Variants in EYS observed in about 807,000 individuals in gnomAD.
EYS encodes EGF-like photoreceptor maintenance factor, also known as protein eyes shut homolog.
EYS carries 250 observed loss-of-function variants against 282.1 expected under a neutral mutation model. The observed-to-expected ratio is 0.89, with a 90% CI of 0.80 to 0.98. The LOEUF is 0.98. EYS is among the 50% of genes least tolerant of loss of function. The probability of loss-of-function intolerance (pLI) is 0.00; values close to 1 mark genes in which losing one functional copy is unlikely to be tolerated. For missense variants in EYS, 4,016 were observed against 3,709.0 expected, an observed-to-expected ratio of 1.08 and a Z score of -2.15; for synonymous variants, 1,355 against 1,282.9, an observed-to-expected ratio of 1.06 and a Z score of -1.20.
chr6:65,513,522 A>T (rs1405964339), intron 2 of EYS, among the ~76,000 whole-genome samples: 2 of 152,062 alleles, frequency 1.3e-5, no homozygotes, highest in Non-Finnish European at 2.9e-5. Context: ...CTTGATGAAC[A>T]TTGATGCAAA....
intron 26 of EYS, among the ~76,000 whole-genome samples, chr6:64,541,359 TA>T (rs1227812520): frequency 5.9e-5 from 9 of 152,206 alleles, no homozygotes; most frequent in Admixed American, 1.3e-4. Context: ...CAGCAGCCTT[TA>T]AAAAAATGTG....
At chr6:64,016,516 G>T (rs1468233898) in intron 33 of EYS, among the ~76,000 whole-genome samples, 1 of 148,304 alleles carries the variant, frequency 6.7e-6, no homozygotes, top group Admixed American at 6.7e-5. Flanking sequence ...TTGAGACAGG[G>T]TCTTGCTCCG....
At chr6:64,787,300 T>C (rs1774053582) in intron 22 of EYS, among the ~76,000 whole-genome samples, 1 of 152,214 alleles carries the variant, frequency 6.6e-6, no homozygotes, top group Non-Finnish European at 1.5e-5. Context: ...GGATTCATTA[T>C]TTGATTCCTA....
chr6:65,279,961 C>A (rs151087249), intron 12 of EYS, among the ~76,000 whole-genome samples: 1 of 152,110 alleles, frequency 6.6e-6, no homozygotes, highest in Non-Finnish European at 1.5e-5. Context: ...ATGAATACCT[C>A]AGGAAAGGAG....
intron 19 of EYS, among the ~76,000 whole-genome samples, chr6:64,881,928 A>G (rs1258495682): frequency 2.6e-5 from 4 of 151,890 alleles, no homozygotes; most frequent in African/African-American, 9.7e-5. Flanking sequence ...AATTAAAAGT[A>G]CTATTAATGT....
intron 23 of EYS, among the ~76,000 whole-genome samples, chr6:64,618,947 T>C (rs1185685770): frequency 1.3e-5 from 2 of 152,178 alleles, no homozygotes; most frequent in Admixed American, 6.5e-5. Flanking sequence ...TGCATAAAAA[T>C]ACACCCTGAT....
chr6:64,102,355 C>T (rs1772858681), intron 31 of EYS, among the ~76,000 whole-genome samples: 1 of 152,034 alleles, frequency 6.6e-6, no homozygotes, highest in African/African-American at 2.4e-5. Context: ...AAATAGCTAT[C>T]ATTTTCAAGA....
intron 12 of EYS, among the ~76,000 whole-genome samples, chr6:65,232,551 T>C (rs1766810452): frequency 6.6e-6 from 1 of 152,126 alleles, no homozygotes; most frequent in African/African-American, 2.4e-5. Flanking sequence ...GCTGAAAAGT[T>C]ACAAAGATTG....
Position 64,571,259 on chromosome 6 carries a change from A to C in EYS, c.5644+18964T>G, listed in dbSNP as rs143424128. Among the ~76,000 whole-genome samples the C allele has an allele frequency of 1.9e-3, 293 of 152,324 alleles. 2 individuals carry two copies. Among genetic ancestry groups the C allele is most frequent in the African/African-American group, 6.6e-3 (276 of 41,576 alleles). ...GAGAACAAAGACACAATGTACCAGC[A>C]TCTCTGGGACACTCCTTAGTGTTTA... On this transcript the variant is annotated intron_variant, in intron 26 of 42. Coordinates refer to ENST00000503581, the MANE Select transcript of EYS (RefSeq NM_001142800.2).
rs533494260 is a variant in EYS, at chr6:64,788,351, G to A, written c.3443+25027C>T. Among the ~76,000 whole-genome samples, 4 of 152,224 alleles carry A rather than the reference G, an allele frequency of 2.6e-5. No homozygotes were observed. In the South Asian group the frequency reaches 8.3e-4, roughly 32 times the overall value. The stretch of plus-strand genomic sequence containing the variant: ...GTGACTGTGATCTGGCAGCTGAGTA[G>A]GAAGAGAGGTGTGGACCTTCAACAC... On this transcript the variant is annotated intron_variant, in intron 22 of 42. Coordinates refer to ENST00000503581, the MANE Select transcript of EYS (RefSeq NM_001142800.2).
At chr6:64,991,673 A>G (rs371216852) in intron 14 of EYS, among the ~76,000 whole-genome samples, 4 of 151,802 alleles carry the variant, frequency 2.6e-5, no homozygotes. Flanking sequence ...CTCTCCCACA[A>G]AAGAATTGGA....
chr6:65,608,105 T>C (rs116464353), intron 2 of EYS, among the ~76,000 whole-genome samples: 1,886 of 152,082 alleles, frequency 0.012, 34 homozygotes, highest in African/African-American at 0.039. Context: ...CTGAGAAATG[T>C]ATCATTAGGC....
intron 19 of EYS, among the ~76,000 whole-genome samples, chr6:64,850,266 C>A (rs1765840958): frequency 6.6e-6 from 1 of 152,052 alleles, no homozygotes; most frequent in Non-Finnish European, 1.5e-5. Context: ...ATAAATCTAT[C>A]TCCTTATAAT....
At chr6:63,919,023 T>C (rs1421804404) in intron 35 of EYS, among the ~76,000 whole-genome samples, 1 of 152,208 alleles carries the variant, frequency 6.6e-6, no homozygotes, top group Non-Finnish European at 1.5e-5. Flanking sequence ...TATAATACAC[T>C]TAACTTTCAG....
chr6:65,084,108 C>T (rs1202044360), intron 12 of EYS, among the ~76,000 whole-genome samples: 2 of 151,992 alleles, frequency 1.3e-5, no homozygotes, highest in African/African-American at 4.8e-5. Context: ...TTCAAATTAG[C>T]ATGTCAGCAG....
intron 31 of EYS, among the ~76,000 whole-genome samples, chr6:64,148,651 C>T (rs1410219381): frequency 6.6e-6 from 1 of 151,912 alleles, no homozygotes; most frequent in Non-Finnish European, 1.5e-5. Context: ...ATTTTTTTAC[C>T]CTAAAATTGA....
At chr6:63,801,087 T>C (rs1770772342) in intron 37 of EYS, among the ~76,000 whole-genome samples, 1 of 152,158 alleles carries the variant, frequency 6.6e-6, no homozygotes, top group African/African-American at 2.4e-5. Flanking sequence ...GCTTAGGTGG[T>C]ATGCTATGAT....
intron 31 of EYS, among the ~76,000 whole-genome samples, chr6:64,164,691 G>T (rs1242120251): frequency 6.6e-6 from 1 of 152,074 alleles, no homozygotes. Context: ...GTATGGCCTA[G>T]TCAGTCCAAG....
intron 13 of EYS, among the ~76,000 whole-genome samples, chr6:65,038,535 T>A (rs537069379): frequency 6.6e-6 from 1 of 151,630 alleles, no homozygotes; most frequent in African/African-American, 2.4e-5. Flanking sequence ...AAAACTGCTA[T>A]AAACATGCTT....
Sources: allele counts gnomAD v4.1 joint callset (sites outside exome capture counted in the v4.1 genomes callset), GRCh38; gene constraint gnomAD v4.1.1; transcripts MANE v1.5; gene names NCBI Gene and HGNC (gene_info 2026-07-23, HGNC 2026-07-21).